TCF12: variants seen among roughly 807,000 people sequenced by gnomAD.
TCF12 encodes DNA-binding protein HTF4.
TCF12 carries 45 observed loss-of-function variants against 86.0 expected under a neutral mutation model. The observed-to-expected ratio is 0.52, with a 90% confidence interval of 0.41 to 0.67. TCF12 has a LOEUF of 0.67. Among genes scored for constraint, TCF12 ranks in the 30% least tolerant of loss-of-function variants. The pLI is 0.00. For synonymous variants in TCF12, 330 were observed against 299.6 expected (o/e 1.10, Z -1.05); for missense variants, 881 against 859.9 (o/e 1.02, Z -0.31).
rs140463940 is a variant in TCF12, at chr15:56,999,751, G to A, written c.149-63999G>A. The stretch of plus-strand genomic sequence containing the variant: ...TAGCTGGGCGTGGTGGTGCATGCCT[G>A]TAGTCCCAGCGCCTCAGGAGGCTGA... On this transcript the variant is annotated intron_variant, in intron 3 of 20. Transcript: ENST00000333725. Among the ~76,000 whole-genome samples the A allele has an allele frequency of 5.1e-3, 771 of 152,196 alleles. 18 individuals are homozygous for A. In the East Asian group the frequency reaches 0.061, roughly 12 times the overall value.
At chr15:56,952,184 G>A (rs200598656) in intron 3 of TCF12, among the ~76,000 whole-genome samples, 8 of 40,744 alleles carry the variant, frequency 2.0e-4, no homozygotes, top group Admixed American at 1.3e-3. Flanking sequence ...GCTTTTTTGT[G>A]TATATACACA....
intron 12 of TCF12, among the ~76,000 whole-genome samples, chr15:57,235,777 G>T (rs926528086): frequency 6.6e-6 from 1 of 151,898 alleles, no homozygotes; most frequent in African/African-American, 2.4e-5. Flanking sequence ...CTGCATTTTG[G>T]GGGCTTTTTT....
intron 4 of TCF12, among the ~76,000 whole-genome samples, chr15:57,086,241 T>TA (rs1468422719): frequency 6.1e-5 from 9 of 147,114 alleles, no homozygotes; most frequent in Admixed American, 2.7e-4. Context: ...ATAATAATAA[T>TA]ATAATGACTA....
intron 18 of TCF12, among the ~76,000 whole-genome samples, chr15:57,266,813 G>C (rs1392264844): frequency 2.0e-5 from 3 of 152,144 alleles, no homozygotes; most frequent in Non-Finnish European, 4.4e-5. Context: ...AAGGCAGGAG[G>C]ATCTCTTGAG....
intron 5 of TCF12, among the ~76,000 whole-genome samples, chr15:57,164,873 G>T (rs1412603434): frequency 1.3e-5 from 2 of 152,008 alleles, no homozygotes; most frequent in African/African-American, 4.8e-5. Context: ...TAGAGATGAG[G>T]TTTCACCATT....
At chr15:57,117,531 A>G (rs1176068850) in intron 5 of TCF12, among the ~76,000 whole-genome samples, 3 of 152,348 alleles carry the variant, frequency 2.0e-5, no homozygotes, top group East Asian at 3.9e-4. Context: ...CTTTCCTACA[A>G]GTATGATCTG....
intron 5 of TCF12, among the ~76,000 whole-genome samples, chr15:57,100,126 A>G (rs2049621831): frequency 1.3e-5 from 2 of 152,060 alleles, no homozygotes; most frequent in Admixed American, 6.6e-5. Context: ...GAATCTTCCC[A>G]TTGTTTGTGT....
intron 3 of TCF12, among the ~76,000 whole-genome samples, chr15:57,033,235 A>G (rs1278325268): frequency 3.3e-5 from 5 of 152,208 alleles, no homozygotes; most frequent in African/African-American, 1.2e-4. Flanking sequence ...AAATAGTGTG[A>G]TGCAAAAAAT....
intron 3 of TCF12, among the ~76,000 whole-genome samples, chr15:56,922,359 A>C (rs776410440): frequency 6.6e-6 from 1 of 152,030 alleles, no homozygotes. Context: ...ATAACTGGAC[A>C]GTCACTGATA....
intron 4 of TCF12, among the ~76,000 whole-genome samples, chr15:57,091,485 T>C (rs2048989513): frequency 6.6e-6 from 1 of 152,196 alleles, no homozygotes; most frequent in South Asian, 2.1e-4. Context: ...TTTACAGAAT[T>C]CTTATAGCTC....
chr15:57,274,185 A>C (rs2152103045), intron 19 of TCF12, among the ~76,000 whole-genome samples: 1 of 151,512 alleles, frequency 6.6e-6, no homozygotes, highest in South Asian at 2.1e-4. Context: ...AAAAAAGAAT[A>C]GGGTGGGCAG....
At chr15:57,187,819 A>T (rs2056762257) in intron 6 of TCF12, among the ~76,000 whole-genome samples, 1 of 152,020 alleles carries the variant, frequency 6.6e-6, no homozygotes, top group Admixed American at 6.6e-5. Flanking sequence ...AATCCCAGGT[A>T]CTCAGGAGGC....
At chr15:57,268,271 T>C (rs1194667162) in intron 18 of TCF12, among the ~76,000 whole-genome samples, 2 of 152,226 alleles carry the variant, frequency 1.3e-5, no homozygotes, top group African/African-American at 2.4e-5. Context: ...GAGATTCTAA[T>C]GAGTGGCTAT....
intron 3 of TCF12, among the ~76,000 whole-genome samples, chr15:56,993,136 A>G (rs1316325450): frequency 1.3e-5 from 2 of 152,164 alleles, no homozygotes; most frequent in South Asian, 2.1e-4. Flanking sequence ...AACACAATCT[A>G]AAACCTAAAA....
chr15:56,924,148 T>C (rs2059907240), intron 3 of TCF12, among the ~76,000 whole-genome samples: 1 of 152,166 alleles, frequency 6.6e-6, no homozygotes. Flanking sequence ...TGTAGATTCA[T>C]ATGCAGTTGT....
chr15:57,149,126 CAAAAT>C (rs1200546531), intron 5 of TCF12, among the ~76,000 whole-genome samples: 1 of 151,958 alleles, frequency 6.6e-6, no homozygotes, highest in Non-Finnish European at 1.5e-5. Context: ...ATAAAAGTGT[CAAAAT>C]AAATGTAAAT....
chr15:57,011,321 T>G (rs1402647960), intron 3 of TCF12, among the ~76,000 whole-genome samples: 6 of 151,972 alleles, frequency 3.9e-5, no homozygotes, highest in African/African-American at 1.4e-4. Flanking sequence ...GAGATCTGGT[T>G]GTTTATAAGT....
intron 3 of TCF12, among the ~76,000 whole-genome samples, chr15:56,984,878 T>G (rs1469463649): frequency 6.6e-6 from 1 of 152,230 alleles, no homozygotes; most frequent in Non-Finnish European, 1.5e-5. Context: ...CTTGTACTTT[T>G]GTTTGTTAAG....
At chr15:57,045,098 G>T (rs2067143223) in intron 3 of TCF12, among the ~76,000 whole-genome samples, 1 of 152,190 alleles carries the variant, frequency 6.6e-6, no homozygotes, top group African/African-American at 2.4e-5. Context: ...AAACAACTCA[G>T]TGAAACAGTG....
Sources: allele counts gnomAD v4.1 joint callset (sites outside exome capture counted in the v4.1 genomes callset), GRCh38; gene constraint gnomAD v4.1.1; transcripts MANE v1.5; gene names NCBI Gene and HGNC (gene_info 2026-07-23, HGNC 2026-07-21).